ABL1: variants seen among roughly 807,000 people sequenced by gnomAD.
ABL1 encodes the protein ABL proto-oncogene 1, non-receptor tyrosine kinase.
A neutral mutation model predicts 94.7 loss-of-function variants in ABL1; 11 were observed. That is an observed-to-expected ratio of 0.12 (90% CI 0.07 to 0.19). The LOEUF (loss-of-function observed/expected upper bound fraction) is 0.19. Among genes scored for constraint, ABL1 ranks in the 10% least tolerant of loss-of-function variants. The pLI is 1.00. For missense variants in ABL1, 1,082 were observed against 1,489.4 expected (o/e 0.73, Z 4.50); for synonymous variants, 656 against 622.4 (o/e 1.05, Z -0.80).
chr9:130,780,570 G>T (rs933492314), intron 1 of ABL1, among the ~76,000 whole-genome samples: 1 of 152,116 alleles, frequency 6.6e-6, no homozygotes, highest in Non-Finnish European at 1.5e-5. Context: ...ATTTCTAGGC[G>T]AATTGTCCCC....
chr9:130,738,944 G>A (rs552388640), intron 1 of ABL1, among the ~76,000 whole-genome samples: 39 of 152,272 alleles, frequency 2.6e-4, no homozygotes, highest in Middle Eastern at 6.8e-3. Context: ...GTGCAGTGGT[G>A]CGATCTCGAT....
chr9:130,789,646 T>A (rs1829878787), intron 1 of ABL1, among the ~76,000 whole-genome samples: 2 of 152,208 alleles, frequency 1.3e-5, no homozygotes, highest in African/African-American at 4.8e-5. Context: ...TAAGTTAATT[T>A]ACTACCTTTG....
rs1197602471 is a variant in ABL1, at chr9:130,885,425, G to C, written c.3135G>C (p.Arg1045Ser). The change falls in exon 11 of 11, where the codon AGG (arginine) becomes AGC (serine). Residue 1045 changes from arginine to serine, a missense_variant. Physicochemically the swap from Arg to Ser is moderately radical, Grantham distance 110. Transcript: ENST00000318560. ...STEALCLAISRNSEQMASHSA... is the reference protein window; with the variant it reads ...STEALCLAISSNSEQMASHSA... ...AGGCGCTGTGCCTCGCCATCTCTAGGAACTCCGAGCAGATGGCCAGCCACA... is the reference window on the plus strand; with the variant it reads ...AGGCGCTGTGCCTCGCCATCTCTAGCAACTCCGAGCAGATGGCCAGCCACA... 1 of 1,613,706 alleles carries C rather than the reference G, an allele frequency of 6.2e-7. No individual in the cohort carries two copies. The highest frequency in any genetic ancestry group is 2.2e-5 in the East Asian group (1 of 44,886).
chr9:130,869,328 A>G (rs1445623650), intron 4 of ABL1, among the ~76,000 whole-genome samples: 1 of 152,228 alleles, frequency 6.6e-6, no homozygotes, highest in African/African-American at 2.4e-5. Flanking sequence ...TAGTAATAAA[A>G]GCAAGCACCG....
At chr9:130,780,940 T>C (rs1564288210) in intron 1 of ABL1, among the ~76,000 whole-genome samples, 3 of 152,222 alleles carry the variant, frequency 2.0e-5, no homozygotes. Context: ...TCCCATCTCC[T>C]GCCTGGTTCT....
chr9:130,785,949 A>AT (rs1477043306), intron 1 of ABL1, among the ~76,000 whole-genome samples: 3 of 151,612 alleles, frequency 2.0e-5, no homozygotes, highest in Non-Finnish European at 2.9e-5. Context: ...AAAAAAAAAA[A>AT]AAAAAATCTC....
At chr9:130,759,995 C>CG (rs1564282167) in intron 1 of ABL1, among the ~76,000 whole-genome samples, 2 of 100,806 alleles carry the variant, frequency 2.0e-5, no homozygotes, top group Non-Finnish European at 3.7e-5. Context: ...TTTTTGGAGA[C>CG]GGGGTCCCAC....
chr9:130,775,368 C>CA (rs887592441), intron 1 of ABL1, among the ~76,000 whole-genome samples: 3 of 152,062 alleles, frequency 2.0e-5, no homozygotes, highest in African/African-American at 7.2e-5. Flanking sequence ...GGTTTAAAAA[C>CA]ATTTAAAGAA....
chr9:130,813,561 C>CAAAAAAAAAA (rs57194587), intron 1 of ABL1, among the ~76,000 whole-genome samples: 1 of 60,640 alleles, frequency 1.6e-5, no homozygotes, highest in Non-Finnish European at 3.2e-5. Context: ...ACTCCATCTC[C>CAAAAAAAAAA]AAAAAAAAAA....
At chr9:130,796,922 A>G (rs76611123) in intron 1 of ABL1, among the ~76,000 whole-genome samples, 3 of 92,628 alleles carry the variant, frequency 3.2e-5, no homozygotes. Context: ...CTTCATCTCA[A>G]AAAAAAAAAA....
chr9:130,857,287 C>T (rs1220558499), intron 3 of ABL1, among the ~76,000 whole-genome samples: 1 of 152,186 alleles, frequency 6.6e-6, no homozygotes, highest in African/African-American at 2.4e-5. Context: ...CAAATTTGTT[C>T]TCCCACAAAC....
At chr9:130,790,402 C>T (rs1238897448) in intron 1 of ABL1, among the ~76,000 whole-genome samples, 1 of 152,226 alleles carries the variant, frequency 6.6e-6, no homozygotes, top group Non-Finnish European at 1.5e-5. Flanking sequence ...CACAAGCATG[C>T]TTGTAGGTGG....
intron 1 of ABL1, among the ~76,000 whole-genome samples, chr9:130,733,749 C>G (rs899959116): frequency 1.3e-5 from 2 of 151,764 alleles, no homozygotes; most frequent in South Asian, 4.2e-4. Flanking sequence ...TGCCACCACG[C>G]CCGGCTAACT....
intron 1 of ABL1, among the ~76,000 whole-genome samples, chr9:130,771,755 T>TCTTTCTTTCTTTCTTA: frequency 8.3e-6 from 1 of 120,752 alleles, no homozygotes; most frequent in African/African-American, 3.2e-5. Context: ...TTTCTTTCTT[T>TCTTTCTTTCTTTCTTA]TTTTTTTTTT....
At chr9:130,750,679 C>T (rs1174184493) in intron 1 of ABL1, among the ~76,000 whole-genome samples, 8 of 119,796 alleles carry the variant, frequency 6.7e-5, no homozygotes, top group Non-Finnish European at 1.1e-4. Flanking sequence ...CAGAGTCTCA[C>T]TCTGTTGCCC....
chr9:130,798,064 G>A (rs901179288), intron 1 of ABL1, among the ~76,000 whole-genome samples: 1 of 152,078 alleles, frequency 6.6e-6, no homozygotes, highest in African/African-American at 2.4e-5. Context: ...TTTAATTCTT[G>A]TTCTGTCAAA....
intron 1 of ABL1, among the ~76,000 whole-genome samples, chr9:130,758,075 T>C (rs750746092): frequency 1.3e-5 from 2 of 152,230 alleles, no homozygotes; most frequent in Non-Finnish European, 2.9e-5. Flanking sequence ...TGCTAACTTA[T>C]ATCAAGCACT....
At chr9:130,758,301 C>G (rs1235207041) in intron 1 of ABL1, among the ~76,000 whole-genome samples, 1 of 152,030 alleles carries the variant, frequency 6.6e-6, no homozygotes, top group Non-Finnish European at 1.5e-5. Context: ...GCTGGGATTA[C>G]AGGCGTGTAC....
intron 1 of ABL1, among the ~76,000 whole-genome samples, chr9:130,744,262 C>A (rs1420963433): frequency 6.6e-6 from 1 of 151,840 alleles, no homozygotes; most frequent in African/African-American, 2.4e-5. Flanking sequence ...CCTGCCTCAG[C>A]CTCCCGAGTA....
Sources: gnomAD v4.1 joint callset for allele counts (sites outside exome capture counted in the v4.1 genomes callset) on GRCh38, gnomAD v4.1.1 for gene constraint, MANE v1.5 for transcripts, NCBI Gene and HGNC (gene_info 2026-07-23, HGNC 2026-07-21) for gene names.